ZNF138: variants seen among roughly 807,000 people sequenced by gnomAD.
The protein encoded by ZNF138 is zinc finger protein 138 (clone pHZ-32).
Under a neutral mutation model 33.0 loss-of-function variants are expected in ZNF138, and 33 were observed. The ratio of observed to expected loss-of-function variants is 1.00; its 90% CI spans 0.76 to 1.34. The LOEUF (loss-of-function observed/expected upper bound fraction) is 1.34. Among genes scored for constraint, ZNF138 ranks in the 40% most tolerant of loss-of-function variants. The pLI is 0.00. For synonymous variants in ZNF138, 139 were observed against 120.4 expected (o/e 1.15, Z -1.01); for missense variants, 360 against 370.8 (o/e 0.97, Z 0.24).
the ZNF138 span, among the ~76,000 whole-genome samples, chr7:64,850,082 C>T: frequency 6.6e-6 from 1 of 152,232 alleles, no homozygotes; most frequent in South Asian, 2.1e-4. Flanking sequence ...TGACGCAAGT[C>T]TAAAATGGCT....
chr7:64,806,318 T>C (rs1787592288), intron 1 of ZNF138, among the ~76,000 whole-genome samples: 1 of 152,212 alleles, frequency 6.6e-6, no homozygotes, highest in Non-Finnish European at 1.5e-5. Context: ...TTCTAAATAC[T>C]TCATAGGACA....
intron 1 of ZNF138, among the ~76,000 whole-genome samples, chr7:64,813,102 G>A (rs1490043564): frequency 1.3e-5 from 2 of 151,906 alleles, no homozygotes; most frequent in African/African-American, 4.8e-5. Context: ...AGGCCATATA[G>A]AATTCTCATG....
the ZNF138 span, among the ~76,000 whole-genome samples, chr7:64,851,328 C>T: frequency 3.4e-4 from 52 of 152,080 alleles, no homozygotes; most frequent in African/African-American, 8.9e-4. Flanking sequence ...TTTTATACAA[C>T]AGCAATTTAA....
intron 1 of ZNF138, among the ~76,000 whole-genome samples, chr7:64,808,721 T>C (rs1338539803): frequency 6.9e-6 from 1 of 144,332 alleles, no homozygotes; most frequent in African/African-American, 2.5e-5. Context: ...CTGGTTTTCC[T>C]AGGCAGAGGA....
chr7:64,832,650 A>G lies in ZNF138; in HGVS notation c.*448A>G. On this transcript the variant is annotated 3_prime_UTR_variant, in exon 4 of 4. Coordinates refer to ENST00000307355, the MANE Select transcript of ZNF138 (RefSeq NM_001271639.2). ...CCTTATGAGACATAAGAAAATTCAT[A>G]GTAAAGAGAAACCCTACAAATGTGA... 2.2e-6 allele frequency: 1 copy of G among 452,450 alleles called. No homozygotes were observed. Among genetic ancestry groups the G allele is most frequent in the Admixed American group, 2.7e-5 (1 of 36,992 alleles). The allele number at this position is 452,450 out of a possible 1,614,324, so 28.0% of individuals were successfully genotyped here. A position where few individuals can be genotyped will look rare whatever the true frequency, so the allele number is the denominator to read the frequency against.
At chr7:64,803,184 T>C (rs543429987) in intron 1 of ZNF138, among the ~76,000 whole-genome samples, 3 of 152,312 alleles carry the variant, frequency 2.0e-5, no homozygotes, top group African/African-American at 7.2e-5. Context: ...CTAAATCTTT[T>C]GTCATTGTTT....
At chr7:64,802,834 T>C (rs1787251402) in intron 1 of ZNF138, among the ~76,000 whole-genome samples, 1 of 152,126 alleles carries the variant, frequency 6.6e-6, no homozygotes, top group African/African-American at 2.4e-5. Context: ...TAGCTTATCT[T>C]TACAGATACA....
chr7:64,853,913 T>G, the ZNF138 span, among the ~76,000 whole-genome samples: 54 of 152,020 alleles, frequency 3.6e-4, no homozygotes, highest in East Asian at 0.01. Flanking sequence ...AAACCATCTT[T>G]AATCGTTTGA....
intron 3 of ZNF138, among the ~76,000 whole-genome samples, chr7:64,825,855 A>G (rs539973377): frequency 5.3e-5 from 8 of 151,838 alleles, no homozygotes; most frequent in Non-Finnish European, 1.2e-4. Context: ...TTTAGTTTTA[A>G]GATACTGTTA....
intron 1 of ZNF138, among the ~76,000 whole-genome samples, chr7:64,797,777 A>C (rs1786807959): frequency 1.3e-5 from 2 of 152,200 alleles, no homozygotes; most frequent in African/African-American, 2.4e-5. Context: ...TTTTTTAAAA[A>C]ATTCTAAAAT....
Position 64,831,560 on chromosome 7 carries a change from G to C in ZNF138, c.318G>C (p.Gln106His). Residue 106 changes from glutamine to histidine, a missense_variant, in exon 4 of 4, where the codon CAG (glutamine) becomes CAC (histidine). By Grantham distance (24) the Gln-to-His change is conservative. Coordinates refer to ENST00000307355, the MANE Select transcript of ZNF138 (RefSeq NM_001271639.2). ...RYGKYGHKNL[Q>H]LRKGCKSVDE... ...GAAAATATGGACATAAGAATTTACA[G>C]TTAAGAAAAGGCTGTAAAAGTGTGG... is the stretch of plus-strand genomic sequence containing the variant. 6.2e-7 allele frequency: 1 copy of C among 1,613,604 alleles called. No individual in the cohort carries two copies. The highest frequency in any genetic ancestry group is 8.5e-7 in the Non-Finnish European group (1 of 1,179,836).
At chr7:64,818,837 C>T (rs779729616) in intron 3 of ZNF138, among the ~76,000 whole-genome samples, 33 of 152,096 alleles carry the variant, frequency 2.2e-4, no homozygotes, top group Middle Eastern at 3.4e-3. Context: ...ATTTTACTGC[C>T]ATACAGTGGA....
chr7:64,805,360 C>T (rs1488181208), intron 1 of ZNF138, among the ~76,000 whole-genome samples: 5 of 151,978 alleles, frequency 3.3e-5, no homozygotes, highest in African/African-American at 1.2e-4. Flanking sequence ...GATTGCGCCA[C>T]TGCACTCCAG....
At position 64,832,361 on chromosome 7, in the gene ZNF138, C is replaced by T; in HGVS notation, c.*159C>T. On this transcript the variant is annotated 3_prime_UTR_variant, in exon 4 of 4. Transcript: ENST00000307355. ...GTGAAGAATGTGGCAGAGCTTTTAA[C>T]CAGTCCGCAAAGCTCACTGAACATA... 2 of 1,557,530 alleles carry T rather than the reference C, an allele frequency of 1.3e-6. No homozygotes were observed. Among genetic ancestry groups the T allele is most frequent in the Non-Finnish European group, 1.7e-6 (2 of 1,157,588 alleles).
chr7:64,825,463 A>G (rs532147061), intron 3 of ZNF138, among the ~76,000 whole-genome samples: 17 of 147,098 alleles, frequency 1.2e-4, no homozygotes, highest in African/African-American at 3.5e-4. Flanking sequence ...GAGCCACCGC[A>G]CCCGGGATTG....
intron 3 of ZNF138, among the ~76,000 whole-genome samples, chr7:64,823,389 G>A (rs1041512772): frequency 6.6e-6 from 1 of 152,030 alleles, no homozygotes; most frequent in Non-Finnish European, 1.5e-5. Context: ...AGGCTGGAGT[G>A]CAGTGGCATA....
At chr7:64,804,102 T>A (rs1787375548) in intron 1 of ZNF138, among the ~76,000 whole-genome samples, 1 of 152,206 alleles carries the variant, frequency 6.6e-6, no homozygotes, top group Non-Finnish European at 1.5e-5. Context: ...CCCCTCATAC[T>A]GTCTCATGCC....
rs754223101 is a variant in ZNF138 at position 64,831,975 on chromosome 7, C to T, written c.733C>T (p.Arg245Cys). The change falls in exon 4 of 4, where the codon CGT becomes TGT. Residue 245 changes from arginine to cysteine, a missense_variant. Arg to Cys is a radical substitution (Grantham distance 180, BLOSUM62 -3). Coordinates refer to ENST00000307355, the MANE Select transcript of ZNF138 (RefSeq NM_001271639.2). ...SSILTKHKII[R>C]TGEKPYKCAH... ...AATCCTTACTAAACATAAGATAATT[C>T]GTACTGGAGAAAAACCCTATAAATG... 1.7e-5 allele frequency: 28 copies of T among 1,613,172 alleles called. No homozygotes were observed. The highest frequency in any genetic ancestry group is 5.0e-5 in the Admixed American group (3 of 59,870).
chr7:64,835,692 C>T (rs6953310), downstream of ZNF138: 150,095 of 152,316 alleles, frequency 0.99, 73,994 homozygotes, highest in East Asian at 1. Flanking sequence ...CCCGCCTGTT[C>T]TGTGCTGCGA....
Sources: allele counts gnomAD v4.1 joint callset (sites outside exome capture counted in the v4.1 genomes callset), GRCh38; gene constraint gnomAD v4.1.1; transcripts MANE v1.5; gene names NCBI Gene and HGNC (gene_info 2026-07-23, HGNC 2026-07-21).